Variants in SH3RF1 observed in about 807,000 individuals in gnomAD.
SH3RF1 encodes SH3 domain containing ring finger 1, also known as E3 ubiquitin-protein ligase SH3RF1.
Under a neutral mutation model 74.0 loss-of-function variants are expected in SH3RF1, and 32 were observed. The observed-to-expected ratio is 0.43, with a 90% CI of 0.33 to 0.58. The LOEUF is 0.58. Ranked by LOEUF, SH3RF1 falls within the 20% of genes least tolerant of loss-of-function variation. The probability of loss-of-function intolerance (pLI) is 0.05; values close to 1 mark genes in which losing one functional copy is unlikely to be tolerated. For synonymous variants in SH3RF1, 396 were observed against 439.6 expected, an observed-to-expected ratio of 0.90 and a Z score of 1.24; for missense variants, 954 against 1,130.9, an observed-to-expected ratio of 0.84 and a Z score of 2.24.
At chr4:169,217,834 T>C (rs6847734) in intron 2 of SH3RF1, among the ~76,000 whole-genome samples, 8,107 of 152,216 alleles carry the variant, frequency 0.053, 296 homozygotes, top group South Asian at 0.19. Context: ...TTTAAAATGT[T>C]AAGTCTTATG....
At chr4:169,157,399 A>G (rs1734076698) in intron 2 of SH3RF1, among the ~76,000 whole-genome samples, 1 of 152,234 alleles carries the variant, frequency 6.6e-6, no homozygotes, top group South Asian at 2.1e-4. Context: ...GCACATTGTT[A>G]GGCTGATAAG....
chr4:169,204,770 C>G (rs1394868576), intron 2 of SH3RF1, among the ~76,000 whole-genome samples: 2 of 151,996 alleles, frequency 1.3e-5, no homozygotes, highest in African/African-American at 2.4e-5. Context: ...AAGATGGTCT[C>G]GATCTCCTGA....
intron 2 of SH3RF1, among the ~76,000 whole-genome samples, chr4:169,219,104 T>C (rs1173578626): frequency 6.6e-6 from 1 of 152,106 alleles, no homozygotes; most frequent in African/African-American, 2.4e-5. Flanking sequence ...CTATCTGATT[T>C]CCCAACTCAC....
chr4:169,124,373 T>G (rs1733491028), intron 6 of SH3RF1, among the ~76,000 whole-genome samples: 1 of 152,204 alleles, frequency 6.6e-6, no homozygotes, highest in African/African-American at 2.4e-5. Context: ...ATAAATAAAA[T>G]TTTGTAATAA....
chr4:169,198,649 A>G (rs765793444), intron 2 of SH3RF1, among the ~76,000 whole-genome samples: 17 of 152,284 alleles, frequency 1.1e-4, no homozygotes, highest in Admixed American at 2.0e-4. Flanking sequence ...ACATGTATAC[A>G]TAAGTATATT....
intron 2 of SH3RF1, among the ~76,000 whole-genome samples, chr4:169,231,434 C>T (rs570017875): frequency 6.6e-6 from 1 of 152,094 alleles, no homozygotes; most frequent in Non-Finnish European, 1.5e-5. Context: ...GACGTCATGG[C>T]GCATGGCTGT....
chr4:169,258,252 A>G (rs1322906697), intron 2 of SH3RF1, among the ~76,000 whole-genome samples: 1 of 152,166 alleles, frequency 6.6e-6, no homozygotes, highest in Non-Finnish European at 1.5e-5. Flanking sequence ...CACACATCAT[A>G]TATTTTCATG....
intron 2 of SH3RF1, among the ~76,000 whole-genome samples, chr4:169,221,720 T>C (rs1409028476): frequency 6.6e-6 from 1 of 152,220 alleles, no homozygotes; most frequent in Non-Finnish European, 1.5e-5. Context: ...TGCTAAATCC[T>C]AGATGACAAA....
chr4:169,225,062 T>C (rs1029971569), intron 2 of SH3RF1, among the ~76,000 whole-genome samples: 1 of 152,092 alleles, frequency 6.6e-6, no homozygotes, highest in Non-Finnish European at 1.5e-5. Flanking sequence ...ACCACATGCC[T>C]GGGAGTAAAG....
At chr4:169,220,970 A>G (rs533787641) in intron 2 of SH3RF1, among the ~76,000 whole-genome samples, 2 of 152,368 alleles carry the variant, frequency 1.3e-5, no homozygotes, top group South Asian at 4.1e-4. Flanking sequence ...CAGACAAACA[A>G]TTCTGGTTTA....
intron 2 of SH3RF1, among the ~76,000 whole-genome samples, chr4:169,235,030 T>A (rs957241660): frequency 1.2e-4 from 18 of 152,184 alleles, no homozygotes; most frequent in Admixed American, 4.6e-4. Context: ...AGGGTTTTTT[T>A]AAAATCAACT....
At chr4:169,116,983 T>G (rs751170363) in intron 9 of SH3RF1, among the ~76,000 whole-genome samples, 1 of 152,228 alleles carries the variant, frequency 6.6e-6, no homozygotes, top group African/African-American at 2.4e-5. Flanking sequence ...CTTTTCCTAT[T>G]ATTCATTCCC....
intron 4 of SH3RF1, among the ~76,000 whole-genome samples, chr4:169,153,621 AT>A (rs942743169): frequency 1.3e-5 from 2 of 152,138 alleles, no homozygotes; most frequent in African/African-American, 4.8e-5. Flanking sequence ...CCTCCACTTT[AT>A]TCCCCTAAGG....
At chr4:169,188,108 T>C (rs1734638996) in intron 2 of SH3RF1, among the ~76,000 whole-genome samples, 1 of 151,586 alleles carries the variant, frequency 6.6e-6, no homozygotes, top group Non-Finnish European at 1.5e-5. Context: ...AGAGAGTGCA[T>C]GGCCCTGCTA....
chr4:169,263,157 G>A (rs760006295), intron 2 of SH3RF1, among the ~76,000 whole-genome samples: 13 of 152,242 alleles, frequency 8.5e-5, no homozygotes, highest in East Asian at 5.8e-4. Context: ...TCCTTTGTCC[G>A]TCAGTGTTTG....
chr4:169,211,601 G>A (rs1730369174), intron 2 of SH3RF1, among the ~76,000 whole-genome samples: 2 of 152,144 alleles, frequency 1.3e-5, no homozygotes, highest in Non-Finnish European at 2.9e-5. Flanking sequence ...ATGAATAAGG[G>A]ACGAGTCTAA....
intron 2 of SH3RF1, among the ~76,000 whole-genome samples, chr4:169,178,176 G>C (rs1170787557): frequency 6.6e-6 from 1 of 151,482 alleles, no homozygotes; most frequent in Admixed American, 6.6e-5. Context: ...AGGAGGTGGA[G>C]TTTGCAGTGA....
intron 6 of SH3RF1, among the ~76,000 whole-genome samples, chr4:169,126,190 C>T (rs772027196): frequency 6.6e-6 from 1 of 152,220 alleles, no homozygotes; most frequent in African/African-American, 2.4e-5. Flanking sequence ...TGGCACCTAG[C>T]TTTGCAGCTA....
At chr4:169,104,081 G>C (rs996249273) in intron 11 of SH3RF1, among the ~76,000 whole-genome samples, 8 of 152,166 alleles carry the variant, frequency 5.3e-5, no homozygotes, top group Admixed American at 5.2e-4. Context: ...CCCTCTAAGA[G>C]GAAGGGACCG....
Sources: gnomAD v4.1 joint callset for allele counts (sites outside exome capture counted in the v4.1 genomes callset) on GRCh38, gnomAD v4.1.1 for gene constraint, MANE v1.5 for transcripts, NCBI Gene and HGNC (gene_info 2026-07-23, HGNC 2026-07-21) for gene names.